IFITM3: variants seen among roughly 807,000 people sequenced by gnomAD.
IFITM3 encodes the protein interferon-induced transmembrane protein 3.
IFITM3 carries 5 observed loss-of-function variants against 5.2 expected under a neutral mutation model. The ratio of observed to expected loss-of-function variants is 0.96; its 90% CI spans 0.50 to 2.03. The LOEUF (loss-of-function observed/expected upper bound fraction) is 2.03, where lower values mean the gene tolerates loss of function less well. Among genes scored for constraint, IFITM3 ranks in the 30% most tolerant of loss-of-function variants. The pLI, the probability that IFITM3 is intolerant of heterozygous loss-of-function variation, is 0.01. For missense variants in IFITM3, 156 were observed against 177.3 expected (o/e 0.88, Z 0.68); for synonymous variants, 81 against 77.6 (o/e 1.04, Z -0.23).
At position 320,786 on chromosome 11, in the gene IFITM3, A is replaced by C. The variant is rs1474848097; in HGVS notation, c.28T>G (p.Ser10Ala). The change falls in exon 1 of 2, where the codon TCT becomes GCT. Residue 10 changes from serine (S) to alanine (A), a missense_variant. By Grantham distance (99) the Ser-to-Ala change is moderately conservative (BLOSUM62 1). Transcript: ENST00000399808. ...GGGGGCTGGCCACTGTTGACAGGAGAGAAGAAGGTTTGGACAGTGTGATTC... is the reference window on the plus strand; with the variant it reads ...GGGGGCTGGCCACTGTTGACAGGAGCGAAGAAGGTTTGGACAGTGTGATTC... Reference protein sequence around the residue: MNHTVQTFFSPVNSGQPPNY... With the variant: MNHTVQTFFAPVNSGQPPNY... The C allele has an allele frequency of 6.2e-7, 1 of 1,613,542 alleles. No individual in the cohort carries two copies. The highest frequency in any genetic ancestry group is 8.5e-7 in the Non-Finnish European group (1 of 1,179,834).
chr11:319,872 A>G lies in IFITM3; in HGVS notation c.368T>C (p.Val123Ala). The change falls in exon 2 of 2, where the codon GTC becomes GCC. Residue 123 changes from valine (V) to alanine (A), a missense_variant. Transcript: ENST00000399808. ...GGCCTGGAAGATCAGCACTGGGATG[A>G]CGATGAGCAGAATGGTCATGAGGAT... ...LGILMTILLIVIPVLIFQAYG is the reference protein window; with the variant it reads ...LGILMTILLIAIPVLIFQAYG 6.2e-7 allele frequency: 1 copy of G among 1,614,202 alleles called. No homozygotes were observed. The highest frequency in any genetic ancestry group is 1.1e-5 in the South Asian group (1 of 91,088).
In IFITM3 at chr11:319,871, G is replaced by A. The variant is rs1846080091; in HGVS notation, c.369C>T (p.Val123=). The A allele has an allele frequency of 6.2e-7, 1 of 1,614,098 alleles. No homozygotes were observed. The highest frequency in any genetic ancestry group is 1.3e-5 in the African/African-American group (1 of 74,936). The change falls in exon 2 of 2, where the codon GTC becomes GTT. Residue 123 remains valine, a synonymous_variant. Coordinates refer to ENST00000399808, the MANE Select transcript of IFITM3 (RefSeq NM_021034.3). ...AGGCCTGGAAGATCAGCACTGGGAT[G>A]ACGATGAGCAGAATGGTCATGAGGA... The part of the protein sequence containing the change: ...LGILMTILLI[V]IPVLIFQAYG
At chr11:320,413 G>C in intron 1 of IFITM3, 152 bp downstream of exon 1, 2 of 1,268,700 alleles carry the variant, frequency 1.6e-6, no homozygotes, top group Admixed American at 3.5e-5. Flanking sequence ...AGATCACACA[G>C]ACAAAGCCAC....
Position 320,640 on chromosome 11 carries a change from G to C in IFITM3, c.174C>G (p.Val58=), listed in dbSNP as rs769978802. The part of the protein sequence containing the change: ...IRSETSVPDH[V]VWSLFNTLFM... ...AGAGGGTGTTGAACAGGGACCAGACGACATGGTCGGGCACGGAGGTCTCGC... is the reference window on the plus strand; with the variant it reads ...AGAGGGTGTTGAACAGGGACCAGACCACATGGTCGGGCACGGAGGTCTCGC... The change falls in exon 1 of 2, where the codon GTC becomes GTG. Residue 58 remains valine, a synonymous_variant. Coordinates refer to ENST00000399808, the MANE Select transcript of IFITM3 (RefSeq NM_021034.3). The C allele has an allele frequency of 1.3e-5, 21 of 1,613,802 alleles. No individual in the cohort carries two copies. Among genetic ancestry groups the C allele is most frequent in the Admixed American group, 1.7e-5 (1 of 60,006 alleles).
chr11:320,024 C>A, intron 1 of IFITM3, 34 bp from the exon 2 acceptor site: 1 of 1,608,230 alleles, frequency 6.2e-7, no homozygotes, highest in East Asian at 2.2e-5. Flanking sequence ...GGACCAGGAT[C>A]CCCCAGCTGA....
Position 319,878 on chromosome 11 carries a change from A to G in IFITM3, c.362T>C (p.Leu121Pro). Residue 121 changes from leucine (L) to proline (P), a missense_variant, in exon 2 of 2, where the codon CTC becomes CCC. By Grantham distance (98) the Leu-to-Pro change is moderately conservative. Coordinates refer to ENST00000399808, the MANE Select transcript of IFITM3 (RefSeq NM_021034.3). The stretch of plus-strand genomic sequence containing the variant: ...GAAGATCAGCACTGGGATGACGATG[A>G]GCAGAATGGTCATGAGGATGCCCAG... ...LILGILMTIL[L>P]IVIPVLIFQA... The G allele has an allele frequency of 1.2e-6, 2 of 1,614,184 alleles. No individual in the cohort carries two copies. The highest frequency in any genetic ancestry group is 2.2e-5 in the South Asian group (2 of 91,088).
At chr11:320,127 T>C in intron 1 of IFITM3, 137 bp from the exon 2 acceptor site, 2 of 976,366 alleles carry the variant, frequency 2.0e-6, no homozygotes, top group Non-Finnish European at 3.2e-6. Flanking sequence ...GCTCAGACTC[T>C]CCAGGAGCCT....
At chr11:320,182 TC>T (rs772453357) in intron 1 of IFITM3, 192 bp from the exon 2 acceptor site, 1 of 733,388 alleles carries the variant, frequency 1.4e-6, no homozygotes, top group South Asian at 1.5e-5. Flanking sequence ...CAGGCTGTTC[TC>T]CCCACCATGG....
intron 1 of IFITM3, chr11:320,279 G>T: frequency 2.9e-6 from 2 of 700,298 alleles, no homozygotes; most frequent in South Asian, 3.2e-5. Context: ...TTCTTACTGG[G>T]CTATAGGGAG....
rs939939842 is a variant in IFITM3 at position 320,653 on chromosome 11, A to G, written c.161T>C (p.Val54Ala). ...CAGGGACCAGACGACATGGTCGGGC[A>G]CGGAGGTCTCGCTGCGGATGTGGAT... is the stretch of plus-strand genomic sequence containing the variant. ...TVIHIRSETS[V>A]PDHVVWSLFN... The change falls in exon 1 of 2, where the codon GTG becomes GCG. Residue 54 changes from valine to alanine, a missense_variant. By Grantham distance (64) the Val-to-Ala change is moderately conservative. Coordinates refer to ENST00000399808, the MANE Select transcript of IFITM3 (RefSeq NM_021034.3). 6.2e-7 allele frequency: 1 copy of G among 1,613,880 alleles called. No homozygotes were observed. Among genetic ancestry groups the G allele is most frequent in the Non-Finnish European group, 8.5e-7 (1 of 1,179,866 alleles).
chr11:320,449 G>A (rs1463735647), intron 1 of IFITM3, 116 bp downstream of exon 1: 42 of 1,472,662 alleles, frequency 2.9e-5, no homozygotes, highest in Non-Finnish European at 3.8e-5. Context: ...CGGGACAGAG[G>A]TGCACACAAA....
At chr11:320,292 C>T (rs776979540) in intron 1 of IFITM3, 6 of 699,272 alleles carry the variant, frequency 8.6e-6, no homozygotes, top group African/African-American at 5.3e-5. Flanking sequence ...ATAGGGAGAA[C>T]TGCTCTGGGC....
chr11:319,783 G>A lies in IFITM3; in HGVS notation c.*55C>T, dbSNP rs558917805. Reference sequence around the variant, plus strand: ...GGCAGGGCGAGGAATGGAAGTTGGAGTACGTGGGATACAGGTCATGGGCAG... The same window carrying A: ...GGCAGGGCGAGGAATGGAAGTTGGAATACGTGGGATACAGGTCATGGGCAG... On this transcript the variant is annotated 3_prime_UTR_variant, in exon 2 of 2. Transcript: ENST00000399808. The A allele has an allele frequency of 1.2e-6, 2 of 1,611,174 alleles. No individual in the cohort carries two copies. Among genetic ancestry groups the A allele is most frequent in the African/African-American group, 1.3e-5 (1 of 74,982 alleles).
In IFITM3 at chr11:319,912, C is replaced by T. The variant is rs1158039692; in HGVS notation, c.328G>A (p.Ala110Thr). 6.2e-7 allele frequency: 1 copy of T among 1,613,972 alleles called. No homozygotes were observed. The highest frequency in any genetic ancestry group is 1.3e-5 in the African/African-American group (1 of 74,894). ...GTCATGAGGATGCCCAGAATCAGGGCCCAGATGTTCAGGCACTTGGCGGTG... is the reference window on the plus strand; with the variant it reads ...GTCATGAGGATGCCCAGAATCAGGGTCCAGATGTTCAGGCACTTGGCGGTG... The part of the protein sequence containing the change: ...ASTAKCLNIW[A>T]LILGILMTIL... The change falls in exon 2 of 2, where the codon GCC becomes ACC. Residue 110 changes from alanine (A) to threonine (T), a missense_variant. Physicochemically the swap from Ala to Thr is moderately conservative, Grantham distance 58. Transcript: ENST00000399808.
At position 320,549 on chromosome 11, in the gene IFITM3, C is replaced by G. The variant is rs201130624; in HGVS notation, c.249+16G>C. 4.0e-3 allele frequency: 6,381 copies of G among 1,613,152 alleles called. 19 individuals carry two copies. The highest frequency in any genetic ancestry group is 4.7e-3 in the Non-Finnish European group (5,599 of 1,179,436). ...CTCAGCGGCACCCTCTGAGCATTCC[C>G]TGGGGCCATACGCACCTTCACGGAG... On this transcript the variant is annotated intron_variant, in intron 1 of 1. Transcript: ENST00000399808.
In IFITM3 at chr11:319,987, T is replaced by C; in HGVS notation, c.253A>G (p.Arg85Gly). The change falls in exon 2 of 2, where the codon AGG becomes GGG. Residue 85 changes from arginine (R) to glycine (G), a missense_variant. Coordinates refer to ENST00000399808, the MANE Select transcript of IFITM3 (RefSeq NM_021034.3). ...FIAFAYSVKS[R>G]DRKMVGDVTG... The stretch of plus-strand genomic sequence containing the variant: ...ACGTCGCCAACCATCTTCCTGTCCC[T>C]AGACTGGGGGAGAGGAGATGGTGAG... 6.2e-7 allele frequency: 1 copy of C among 1,613,426 alleles called. No homozygotes were observed. Among genetic ancestry groups the C allele is most frequent in the Non-Finnish European group, 8.5e-7 (1 of 1,179,882 alleles).
In IFITM3 at chr11:319,859, C is replaced by A. The variant is rs1257554015; in HGVS notation, c.381G>T (p.Leu127=). 1 of 1,614,190 alleles carries A rather than the reference C, an allele frequency of 6.2e-7. No individual in the cohort carries two copies. The highest frequency in any genetic ancestry group is 8.5e-7 in the Non-Finnish European group (1 of 1,180,026). Residue 127 remains leucine (L), a synonymous_variant, in exon 2 of 2, where the codon CTG becomes CTT. Transcript: ENST00000399808. ...TGATCTATCCATAGGCCTGGAAGAT[C>A]AGCACTGGGATGACGATGAGCAGAA... The part of the protein sequence containing the change: ...MTILLIVIPV[L]IFQAYG
At position 320,694 on chromosome 11, in the gene IFITM3, G is replaced by A. The variant is rs552867505; in HGVS notation, c.120C>T (p.Pro40=). Residue 40 remains proline, a synonymous_variant, in exon 1 of 2, where the codon CCC becomes CCT. Transcript: ENST00000399808. ...GGATGTGGATCACGGTGGACGTCGG[G>A]GGAGCAGGGTTGTGGGGCGCCCCCA... is the stretch of plus-strand genomic sequence containing the variant. ...AVLGAPHNPA[P]PTSTVIHIRS... 6.2e-7 allele frequency: 1 copy of A among 1,613,468 alleles called. No homozygotes were observed.
intron 1 of IFITM3, 135 bp from the exon 2 acceptor site, chr11:320,125 T>C: frequency 9.6e-7 from 1 of 1,038,914 alleles, no homozygotes; most frequent in Non-Finnish European, 1.5e-6. Flanking sequence ...GGGCTCAGAC[T>C]CTCCAGGAGC....
Sources: allele counts gnomAD v4.1 joint callset, GRCh38; gene constraint gnomAD v4.1.1; transcripts MANE v1.5; gene names NCBI Gene and HGNC (gene_info 2026-07-23, HGNC 2026-07-21).